DLG2: variants seen among roughly 807,000 people sequenced by gnomAD.
DLG2 encodes disks large homolog 2.
In DLG2, 45 loss-of-function variants were observed where a neutral mutation model predicts 132.5. That is an observed-to-expected ratio of 0.34 (90% confidence interval 0.27 to 0.44). DLG2 has a LOEUF of 0.44. Ranked by LOEUF, DLG2 falls within the 20% of genes least tolerant of loss-of-function variation. The probability of loss-of-function intolerance (pLI) is 1.00; values close to 1 mark genes in which losing one functional copy is unlikely to be tolerated. For missense variants in DLG2, 1,045 were observed against 1,196.9 expected (o/e 0.87, Z 1.87); for synonymous variants, 424 against 419.6 (o/e 1.01, Z -0.13).
intron 7 of DLG2, among the ~76,000 whole-genome samples, chr11:84,376,426 G>A (rs1439050125): frequency 6.6e-6 from 1 of 151,676 alleles, no homozygotes; most frequent in African/African-American, 2.4e-5. Flanking sequence ...GGATAAACAG[G>A]AACTTAAAAA....
At chr11:84,524,265 A>G (rs907952264) in intron 7 of DLG2, among the ~76,000 whole-genome samples, 1 of 152,202 alleles carries the variant, frequency 6.6e-6, no homozygotes, top group African/African-American at 2.4e-5. Context: ...AAGAATTCTT[A>G]TATTTTGAGA....
At chr11:85,575,086 C>T (rs2078072325) in intron 3 of DLG2, among the ~76,000 whole-genome samples, 1 of 150,940 alleles carries the variant, frequency 6.6e-6, no homozygotes, top group Admixed American at 6.6e-5. Flanking sequence ...CAGAGATGAT[C>T]ATTTTAAACA....
intron 6 of DLG2, among the ~76,000 whole-genome samples, chr11:84,583,766 T>C (rs1216548646): frequency 1.3e-5 from 2 of 152,164 alleles, no homozygotes; most frequent in Non-Finnish European, 2.9e-5. Flanking sequence ...AAAATATTAA[T>C]ATATTGTTTA....
intron 3 of DLG2, among the ~76,000 whole-genome samples, chr11:85,369,202 G>A (rs2084781691): frequency 6.6e-6 from 1 of 152,064 alleles, no homozygotes; most frequent in African/African-American, 2.4e-5. Context: ...CAGGCAAGCG[G>A]GGTCTCCTTG....
chr11:83,732,467 G>A lies in DLG2; in HGVS notation c.1825+54223C>T, dbSNP rs142665952. 1.7e-3 allele frequency among the ~76,000 whole-genome samples: 255 copies of A among 152,226 alleles called. 1 individual carries two copies. Among genetic ancestry groups the A allele is most frequent in the African/African-American group, 6.1e-3 (253 of 41,544 alleles). ...ATATGTCTTTCTGTAACTTCAACAT[G>A]TTGATAATAAACTCACAGATAACCC... On this transcript the variant is annotated intron_variant, in intron 18 of 27. Transcript: ENST00000376104.
chr11:85,101,421 C>T (rs1193870330), intron 6 of DLG2, among the ~76,000 whole-genome samples: 1 of 152,052 alleles, frequency 6.6e-6, no homozygotes, highest in South Asian at 2.1e-4. Flanking sequence ...CACTGAAATA[C>T]TGATTTAGTA....
chr11:84,536,000 T>C (rs532137344), intron 6 of DLG2, among the ~76,000 whole-genome samples: 2 of 151,572 alleles, frequency 1.3e-5, no homozygotes, highest in South Asian at 4.2e-4. Flanking sequence ...GACTGACTCA[T>C]AGTGGAAAAG....
Position 84,058,937 on chromosome 11 carries a change from GATT to G in DLG2, c.919+375_919+377del, listed in dbSNP as rs2154130511. On this transcript the variant is annotated intron_variant, in intron 11 of 27. Coordinates refer to ENST00000376104, the MANE Select transcript of DLG2 (RefSeq NM_001142699.3). Reference sequence around the variant, plus strand: ...AAAATATAATTGTTATATTAGTACAGATTATTTTAATTATTATTTATATTACTA... The same window carrying G: ...AAAATATAATTGTTATATTAGTACAGATTTTAATTATTATTTATATTACTA... Among the ~76,000 whole-genome samples, 2 of 151,972 alleles carry G rather than the reference GATT, an allele frequency of 1.3e-5. 1 individual carries two copies. The highest frequency in any genetic ancestry group is 4.2e-4 in the South Asian group (2 of 4,810).
At chr11:83,695,363 G>C (rs2081707986) in intron 18 of DLG2, among the ~76,000 whole-genome samples, 1 of 152,188 alleles carries the variant, frequency 6.6e-6, no homozygotes, top group African/African-American at 2.4e-5. Flanking sequence ...TAAGATAGAA[G>C]AAAATATATG....
intron 15 of DLG2, among the ~76,000 whole-genome samples, chr11:83,877,091 AT>A (rs1194196129): frequency 6.6e-6 from 1 of 152,052 alleles, no homozygotes; most frequent in Non-Finnish European, 1.5e-5. Flanking sequence ...GATTTATGTT[AT>A]TAATTACTTT....
intron 6 of DLG2, among the ~76,000 whole-genome samples, chr11:84,606,081 T>C (rs2099585091): frequency 6.6e-6 from 1 of 152,108 alleles, no homozygotes; most frequent in African/African-American, 2.4e-5. Flanking sequence ...ACCTTTAGCA[T>C]GGTAGCTGGA....
At chr11:83,999,105 G>A (rs1250118987) in intron 11 of DLG2, among the ~76,000 whole-genome samples, 2 of 152,180 alleles carry the variant, frequency 1.3e-5, no homozygotes, top group Non-Finnish European at 2.9e-5. Context: ...TCACACCTGA[G>A]CATTCTGCTG....
At chr11:85,302,285 A>G (rs938124276) in intron 3 of DLG2, among the ~76,000 whole-genome samples, 5 of 122,408 alleles carry the variant, frequency 4.1e-5, no homozygotes, top group African/African-American at 9.3e-5. Flanking sequence ...TTCACTAATA[A>G]TACTACTACA....
intron 11 of DLG2, among the ~76,000 whole-genome samples, chr11:83,994,979 ATTT>A (rs67876577): frequency 5.1e-5 from 7 of 136,282 alleles, no homozygotes; most frequent in South Asian, 2.3e-4. Context: ...TTCTGTGTCC[ATTT>A]TTTTTTTTTT....
intron 19 of DLG2, among the ~76,000 whole-genome samples, chr11:83,588,064 C>G (rs963620113): frequency 2.6e-5 from 4 of 152,168 alleles, no homozygotes; most frequent in African/African-American, 9.7e-5. Context: ...GGGAGGGGCG[C>G]CCGCCATTGC....
chr11:84,953,943 T>C (rs1239765762), intron 6 of DLG2, among the ~76,000 whole-genome samples: 1 of 152,146 alleles, frequency 6.6e-6, no homozygotes, highest in East Asian at 1.9e-4. Flanking sequence ...TATGCTAAGG[T>C]GTGCCTTAGT....
At chr11:85,488,485 A>C (rs1211626185) in intron 3 of DLG2, among the ~76,000 whole-genome samples, 2 of 152,042 alleles carry the variant, frequency 1.3e-5, no homozygotes, top group African/African-American at 4.8e-5. Flanking sequence ...CTGTAAGTCC[A>C]ATTAAGTCCA....
chr11:85,165,049 GC>G lies in DLG2; in HGVS notation c.187-10399del, dbSNP rs560737350. 1.3e-3 allele frequency among the ~76,000 whole-genome samples: 205 copies of G among 152,262 alleles called. 3 individuals carry two copies. In the South Asian group the frequency reaches 0.016, roughly 12 times the overall value. ...AGCTCTCCAGGTGATTCTGACACAT[GC>G]TAGTTTGAAAACCTCTGATCTAGTT... On this transcript the variant is annotated intron_variant, in intron 4 of 27. Coordinates refer to ENST00000376104, the MANE Select transcript of DLG2 (RefSeq NM_001142699.3).
intron 3 of DLG2, among the ~76,000 whole-genome samples, chr11:85,432,532 G>A (rs1283065722): frequency 6.6e-6 from 1 of 151,678 alleles, no homozygotes; most frequent in African/African-American, 2.4e-5. Flanking sequence ...AGAACTTCAA[G>A]AAAAAATACA....
Sources: allele counts gnomAD v4.1 joint callset (sites outside exome capture counted in the v4.1 genomes callset), GRCh38; gene constraint gnomAD v4.1.1; transcripts MANE v1.5; gene names NCBI Gene and HGNC (gene_info 2026-07-23, HGNC 2026-07-21).